The following NUP205 variants were observed in gnomAD, a reference collection of about 807,000 sequenced individuals.
NUP205 encodes the protein nuclear pore complex protein Nup205.
A neutral mutation model predicts 253.8 loss-of-function variants in NUP205; 76 were observed. The observed-to-expected ratio is 0.30, with a 90% CI of 0.25 to 0.36. The LOEUF is 0.36. Ranked by LOEUF, NUP205 falls within the 10% of genes least tolerant of loss-of-function variation. The probability of loss-of-function intolerance (pLI) is 1.00; values close to 1 mark genes in which losing one functional copy is unlikely to be tolerated. For missense variants in NUP205, 2,162 were observed against 2,425.5 expected, an observed-to-expected ratio of 0.89 and a Z score of 2.28; for synonymous variants, 832 against 850.1, an observed-to-expected ratio of 0.98 and a Z score of 0.37.
rs776649026 is a variant in NUP205 at position 135,638,677 on chromosome 7, C to T, written c.5386C>T (p.Arg1796Trp). The T allele has an allele frequency of 5.8e-5, 93 of 1,614,078 alleles. No homozygotes were observed. The highest frequency in any genetic ancestry group is 5.3e-4 in the East Asian group (24 of 44,882). ...AGAAACAGTTAATAGAGATGGACCGCGGCAAGGTGAGCTTAGTTTTTCATT... is the reference window on the plus strand; with the variant it reads ...AGAAACAGTTAATAGAGATGGACCGTGGCAAGGTGAGCTTAGTTTTTCATT... The part of the protein sequence containing the change: ...LSETVNRDGP[R>W]QDTQAPVVPY... Residue 1796 changes from arginine (R) to tryptophan (W), a missense_variant, in exon 38 of 43, where the codon CGG becomes TGG. Transcript: ENST00000285968.
At chr7:135,575,627 G>A (rs980112713) in intron 3 of NUP205, among the ~76,000 whole-genome samples, 4 of 152,060 alleles carry the variant, frequency 2.6e-5, no homozygotes, top group Admixed American at 6.6e-5. Flanking sequence ...AAATGCCATC[G>A]CTACTAAAAA....
At chr7:135,578,122 C>A in intron 6 of NUP205, 98 bp downstream of exon 6, 1 of 790,956 alleles carries the variant, frequency 1.3e-6, no homozygotes, top group Non-Finnish European at 2.1e-6. Flanking sequence ...CTAAAATAGT[C>A]TGCTCTGTTC....
At chr7:135,633,255 C>T (rs553720960) in intron 35 of NUP205, among the ~76,000 whole-genome samples, 2 of 151,948 alleles carry the variant, frequency 1.3e-5, no homozygotes, top group Admixed American at 6.6e-5. Context: ...GGAGCCACCA[C>T]GCCTGGCCTA....
rs4073627 is a variant in NUP205 at position 135,627,824 on chromosome 7, G to A, written c.4794-149G>A. 0.14 allele frequency: 79,271 copies of A among 581,708 alleles called. 6,079 individuals carry two copies. The highest frequency in any genetic ancestry group is 0.21 in the East Asian group (7,642 of 36,588). 36.0% of individuals were successfully genotyped at this position (581,708 alleles called of 1,614,324 possible). On this transcript the variant is annotated intron_variant, in intron 33 of 42. Coordinates refer to ENST00000285968, the MANE Select transcript of NUP205 (RefSeq NM_015135.3). ...AGGAAGACACATCTTTCTCTGGACC[G>A]CGGATGTATATATGGGATGCAGAGT...
intron 23 of NUP205, among the ~76,000 whole-genome samples, 163 bp from the exon 24 acceptor site, chr7:135,615,753 T>C (rs1794342998): frequency 1.3e-5 from 2 of 152,208 alleles, no homozygotes; most frequent in African/African-American, 4.8e-5. Flanking sequence ...GTATCTTTTT[T>C]TTCCTCTTGT....
chr7:135,571,378 A>C lies in NUP205; in HGVS notation c.171+131A>C, dbSNP rs1425485730. 2.6e-5 allele frequency: 12 copies of C among 458,422 alleles called. No individual in the cohort carries two copies. In the East Asian group the frequency reaches 2.6e-4, roughly 10 times the overall value. 28.4% of individuals were successfully genotyped at this position (458,422 alleles called of 1,614,324 possible). On this transcript the variant is annotated intron_variant, in intron 2 of 42. Coordinates refer to ENST00000285968, the MANE Select transcript of NUP205 (RefSeq NM_015135.3). The stretch of plus-strand genomic sequence containing the variant: ...AATTTATTTACTGTGCCACAGTCTC[A>C]TGAGGTCCTGATGACATGTACCCCT...
At chr7:135,598,551 A>C (rs768531050) in intron 15 of NUP205, among the ~76,000 whole-genome samples, 1 of 152,204 alleles carries the variant, frequency 6.6e-6, no homozygotes, top group Non-Finnish European at 1.5e-5. Flanking sequence ...AGGGATTGAA[A>C]TAAGTTTAAA....
At chr7:135,576,831 A>G in intron 4 of NUP205, 138 bp from the exon 5 acceptor site, 5 of 739,806 alleles carry the variant, frequency 6.8e-6, no homozygotes, top group Non-Finnish European at 1.1e-5. Context: ...GCAGTGAGCC[A>G]TGATCACGCC....
chr7:135,634,309 A>G (rs1044724171), intron 35 of NUP205, among the ~76,000 whole-genome samples: 10 of 152,226 alleles, frequency 6.6e-5, no homozygotes, highest in African/African-American at 2.2e-4. Context: ...TAGCAGAAAG[A>G]TCTTACGGAA....
rs576344850 is a variant in NUP205 at position 135,585,555 on chromosome 7, AT to A, written c.1218+562del. ...TTGCATTTTATAGATAATTGTTTAG[AT>A]TTTTTTTTTTTTTGAGATGGAGTCT... On this transcript the variant is annotated intron_variant, in intron 8 of 42. Coordinates refer to ENST00000285968, the MANE Select transcript of NUP205 (RefSeq NM_015135.3). Among the ~76,000 whole-genome samples, 355 of 144,588 alleles carry A rather than the reference AT, an allele frequency of 2.5e-3. 1 individual carries two copies. Among genetic ancestry groups the A allele is most frequent in the Middle Eastern group, 7.1e-3 (2 of 280 alleles). The allele number at this position is 144,588 out of a possible 152,430, so 94.9% of individuals were successfully genotyped here.
chr7:135,587,074 G>T (rs1379892942), intron 8 of NUP205, among the ~76,000 whole-genome samples: 1 of 149,756 alleles, frequency 6.7e-6, no homozygotes, highest in African/African-American at 2.5e-5. Context: ...TTTTTTAACA[G>T]AATTTGTTTC....
chr7:135,633,005 A>G (rs1297917805), intron 35 of NUP205, among the ~76,000 whole-genome samples: 1 of 151,892 alleles, frequency 6.6e-6, no homozygotes, highest in East Asian at 1.9e-4. Context: ...CACTCTTGTC[A>G]CCCAGGCTGG....
intron 1 of NUP205, among the ~76,000 whole-genome samples, chr7:135,559,686 C>CTTTTTTTTTT (rs548329072): frequency 7.2e-6 from 1 of 138,010 alleles, no homozygotes; most frequent in African/African-American, 2.7e-5. Context: ...ATTTATTTTC[C>CTTTTTTTTTT]TTTTTTTTTT....
At chr7:135,634,548 C>A (rs1056504541) in intron 35 of NUP205, among the ~76,000 whole-genome samples, 2 of 152,118 alleles carry the variant, frequency 1.3e-5, no homozygotes, top group African/African-American at 4.8e-5. Flanking sequence ...GAAAAACTTT[C>A]CAAAAATTGA....
At chr7:135,630,024 A>G (rs2129492002) in intron 34 of NUP205, among the ~76,000 whole-genome samples, 1 of 152,302 alleles carries the variant, frequency 6.6e-6, no homozygotes, top group East Asian at 1.9e-4. Flanking sequence ...GTCAGATAAT[A>G]GTTTTCATAC....
At chr7:135,600,286 T>G (rs930110961) in intron 15 of NUP205, among the ~76,000 whole-genome samples, 1 of 152,184 alleles carries the variant, frequency 6.6e-6, no homozygotes, top group Non-Finnish European at 1.5e-5. Context: ...ATGGGAATAT[T>G]TGGGGCAAGC....
Position 135,621,583 on chromosome 7 carries a change from TAA to T in NUP205, c.4331-1192_4331-1191del, listed in dbSNP as rs1450715140. On this transcript the variant is annotated intron_variant, in intron 30 of 42. Transcript: ENST00000285968. ...TTATTTAATGTACTTGTGAAATTTTTAAAGAGTCTCACATAAGAGTATGTTTG... is the reference window on the plus strand; with the variant it reads ...TTATTTAATGTACTTGTGAAATTTTTAGAGTCTCACATAAGAGTATGTTTG... Among the ~76,000 whole-genome samples the T allele has an allele frequency of 5.9e-5, 9 of 152,368 alleles. No individual in the cohort carries two copies. In the South Asian group the frequency reaches 1.4e-3, roughly 25 times the overall value.
chr7:135,597,339 T>G, intron 13 of NUP205, 29 bp from the exon 14 acceptor site: 1 of 1,562,988 alleles, frequency 6.4e-7, no homozygotes, highest in Non-Finnish European at 8.8e-7. Context: ...TGAGGAATGC[T>G]CCTGACATCT....
chr7:135,558,107 A>G (rs1805480781), intron 1 of NUP205, 135 bp downstream of exon 1: 3 of 768,006 alleles, frequency 3.9e-6, no homozygotes, highest in Non-Finnish European at 4.7e-6. Flanking sequence ...TTCTGGGCCT[A>G]GAGTCCCACC....
Sources: allele counts gnomAD v4.1 joint callset (sites outside exome capture counted in the v4.1 genomes callset), GRCh38; gene constraint gnomAD v4.1.1; transcripts MANE v1.5; gene names NCBI Gene and HGNC (gene_info 2026-07-23, HGNC 2026-07-21).